Variants in NEDD9 observed in about 807,000 individuals in gnomAD.
NEDD9 encodes the protein neural precursor cell expressed, developmentally down-regulated 9, also known as enhancer of filamentation 1.
A neutral mutation model predicts 76.6 loss-of-function variants in NEDD9; 26 were observed. That is an observed-to-expected ratio of 0.34 (90% CI 0.25 to 0.47). NEDD9 has a LOEUF of 0.47. Among genes scored for constraint, NEDD9 ranks in the 20% least tolerant of loss-of-function variants. NEDD9 has a pLI of 1.00. For missense variants in NEDD9, 937 were observed against 1,058.5 expected (o/e 0.89, Z 1.59); for synonymous variants, 392 against 414.2 (o/e 0.95, Z 0.65).
At chr6:11,189,853 A>G (rs1194541173) in intron 5 of NEDD9, 111 bp downstream of exon 5, 3 of 1,331,536 alleles carry the variant, frequency 2.3e-6, no homozygotes, top group Admixed American at 5.0e-5. Flanking sequence ...GTAGATTAAC[A>G]TTAATTATGT....
At position 11,252,228 on chromosome 6, in the gene NEDD9, C is replaced by T. The variant is rs1268029058; in HGVS notation, c.13-38501G>A. Among the ~76,000 whole-genome samples, 1 of 152,154 alleles carries T rather than the reference C, an allele frequency of 6.6e-6. No individual in the cohort carries two copies. The highest frequency in any genetic ancestry group is 1.5e-5 in the Non-Finnish European group (1 of 68,038). On this transcript the variant is annotated intron_variant, in intron 3 of 3. Transcript: ENST00000397378. This position sits in a 1 kb window ranked among gnomAD's most constrained non-coding sequence, Gnocchi z 4.3. ...CCTCTGGAGAGCTGACTGGTATTCT[C>T]ATTTTCTACCAGCCTGAGCATGTCA...
intron 2 of NEDD9, among the ~76,000 whole-genome samples, chr6:11,315,224 C>G (rs1561830237): frequency 6.6e-6 from 1 of 152,346 alleles, no homozygotes; most frequent in East Asian, 1.9e-4. Context: ...TTTTGCTTGA[C>G]AGTTAATGAG....
At position 11,232,633 on chromosome 6, in the gene NEDD9, G is replaced by T; in HGVS notation, c.-118C>A. The T allele has an allele frequency of 6.3e-7, 1 of 1,582,528 alleles. No homozygotes were observed. The highest frequency in any genetic ancestry group is 8.6e-7 in the Non-Finnish European group (1 of 1,165,882). ...TGAAAGCGAGAAGGTCCCGGGCAGA[G>T]CCGCTTGTCAGTCGCAGCGCCTCCC... On this transcript the variant is annotated 5_prime_UTR_variant, in exon 1 of 7. Transcript: ENST00000379446.
At chr6:11,203,460 TATC>T (rs1260859376) in intron 2 of NEDD9, among the ~76,000 whole-genome samples, 2 of 152,160 alleles carry the variant, frequency 1.3e-5, no homozygotes, top group Admixed American at 1.3e-4. Flanking sequence ...TGCCGATTGG[TATC>T]ATTTCTTCCT....
At chr6:11,380,992 C>T (rs546132062) in intron 1 of NEDD9, among the ~76,000 whole-genome samples, 78 of 152,234 alleles carry the variant, frequency 5.1e-4, no homozygotes, top group Admixed American at 2.4e-3. Flanking sequence ...TAAGTGGTGA[C>T]GTACAAAGTG....
At chr6:11,243,672 C>T (rs1322545492) in intron 3 of NEDD9, among the ~76,000 whole-genome samples, 1 of 152,088 alleles carries the variant, frequency 6.6e-6, no homozygotes, top group East Asian at 1.9e-4. Context: ...TTCTACTTCT[C>T]TTGCCAATGT....
intron 3 of NEDD9, chr6:11,248,863 G>A: frequency 3.0e-6 from 1 of 338,144 alleles, no homozygotes; most frequent in Non-Finnish European, 5.9e-6. Flanking sequence ...GGTATCTGAG[G>A]ACTTGATGAA....
rs1261236763 is a variant in NEDD9, at chr6:11,239,069, A to AG, written c.13-25343dup. ...ATAGTCTCAGTTACTTAGGAGGCTG[A>AG]GGGGGGAGGATCACTTGAGCCCAGG... On this transcript the variant is annotated intron_variant, in intron 3 of 3. Coordinates refer to the NEDD9 transcript ENST00000397378. 6.6e-5 allele frequency among the ~76,000 whole-genome samples: 10 copies of AG among 152,214 alleles called. No homozygotes were observed. In the East Asian group the frequency reaches 1.7e-3, roughly 26 times the overall value.
rs947260459 is a variant in NEDD9, at chr6:11,188,150, T to C, written c.1995+68A>G. The C allele has an allele frequency of 3.4e-6, 4 of 1,160,444 alleles. No individual in the cohort carries two copies. The African/African-American group carries it at 6.1e-5, about 18-fold the overall frequency. The allele number at this position is 1,160,444 out of a possible 1,614,324, so 71.9% of individuals were successfully genotyped here. A position where few individuals can be genotyped will look rare whatever the true frequency, so the allele number is the denominator to read the frequency against. The stretch of plus-strand genomic sequence containing the variant: ...TCAAAATCATAATCTCTTGAAGTGA[T>C]ACCTTTCCTTAGTGCTAGGTGGGAA... On this transcript the variant is annotated intron_variant, in intron 6 of 6. Coordinates refer to ENST00000379446, the MANE Select transcript of NEDD9 (RefSeq NM_006403.4).
chr6:11,265,007 A>G (rs1760178321), intron 3 of NEDD9, among the ~76,000 whole-genome samples: 1 of 152,212 alleles, frequency 6.6e-6, no homozygotes, highest in African/African-American at 2.4e-5. Context: ...CCAGCTCTAT[A>G]GGTTTTGCAC....
upstream of NEDD9, among the ~76,000 whole-genome samples, chr6:11,237,455 T>G (rs1759627700): frequency 6.6e-6 from 1 of 152,124 alleles, no homozygotes; most frequent in Admixed American, 6.5e-5. The surrounding 1 kb of genome is among the most constrained non-coding windows in gnomAD (Gnocchi z 4.9). Flanking sequence ...TAGCAGTGAG[T>G]TTTCCATTTA....
At chr6:11,195,006 A>G (rs1000059278) in intron 2 of NEDD9, among the ~76,000 whole-genome samples, 1 of 152,164 alleles carries the variant, frequency 6.6e-6, no homozygotes, top group Non-Finnish European at 1.5e-5. Flanking sequence ...GCAAATGAGG[A>G]AGAGTTGGTT....
chr6:11,315,087 T>G (rs1273612688), intron 2 of NEDD9, among the ~76,000 whole-genome samples: 1 of 152,218 alleles, frequency 6.6e-6, no homozygotes, highest in African/African-American at 2.4e-5. Flanking sequence ...CCAGGATCAA[T>G]GCAGCCAACA....
At chr6:11,232,454 C>A in intron 1 of NEDD9, 50 bp downstream of exon 1, 2 of 1,611,236 alleles carry the variant, frequency 1.2e-6, no homozygotes, top group Non-Finnish European at 8.5e-7. Flanking sequence ...CACACACCCG[C>A]AGGCACAGCT....
At chr6:11,298,062 T>C (rs1214126702) in intron 3 of NEDD9, among the ~76,000 whole-genome samples, 1 of 152,016 alleles carries the variant, frequency 6.6e-6, no homozygotes, top group African/African-American at 2.4e-5. Flanking sequence ...TGCGCACCAC[T>C]ACACCCAGCT....
chr6:11,232,678 G>A, upstream of NEDD9: 2 of 1,494,572 alleles, frequency 1.3e-6, no homozygotes, highest in Non-Finnish European at 1.8e-6. Context: ...TGAGCTCACT[G>A]TTGTGACTGA....
chr6:11,208,602 C>G (rs1298868403), intron 2 of NEDD9, among the ~76,000 whole-genome samples: 1 of 152,210 alleles, frequency 6.6e-6, no homozygotes, highest in Non-Finnish European at 1.5e-5. Flanking sequence ...TGATGCTCTA[C>G]CAAGTGCTCA....
chr6:11,324,143 A>G (rs1002993679), intron 2 of NEDD9, among the ~76,000 whole-genome samples: 1 of 152,158 alleles, frequency 6.6e-6, no homozygotes, highest in East Asian at 1.9e-4. Flanking sequence ...CCCCTTTGCT[A>G]GTATCTGGCT....
At position 11,339,379 on chromosome 6, in the gene NEDD9, TCTC is replaced by T. The variant is rs533201505; in HGVS notation, c.-213-4821_-213-4819del. Among the ~76,000 whole-genome samples, 39 of 152,316 alleles carry T rather than the reference TCTC, an allele frequency of 2.6e-4. 1 individual carries two copies. The highest frequency in any genetic ancestry group is 2.5e-3 in the South Asian group (12 of 4,818). On this transcript the variant is annotated intron_variant, in intron 1 of 3. Coordinates refer to the NEDD9 transcript ENST00000397378. ...AAACAGCATTTCCAAGGTAATCACT[TCTC>T]AGCCTGGATGAGGCTGAGCCTTTCC... is the stretch of plus-strand genomic sequence containing the variant.
Sources: allele counts gnomAD v4.1 joint callset (sites outside exome capture counted in the v4.1 genomes callset), GRCh38; gene constraint gnomAD v4.1.1; non-coding constraint Gnocchi (gnomAD v3.1); transcripts MANE v1.5; gene names NCBI Gene and HGNC (gene_info 2026-07-23, HGNC 2026-07-21).